Variants in DKK2 observed in about 807,000 individuals in gnomAD.
DKK2 encodes the protein dickkopf Wnt signaling pathway inhibitor 2.
A neutral mutation model predicts 28.1 loss-of-function variants in DKK2; 11 were observed. That is an observed-to-expected ratio of 0.39 (90% confidence interval 0.25 to 0.65). The LOEUF is 0.65. Ranked by LOEUF, DKK2 falls within the 30% of genes least tolerant of loss-of-function variation. DKK2 has a pLI of 0.47. For synonymous variants in DKK2, 135 were observed against 126.5 expected, an observed-to-expected ratio of 1.07 and a Z score of -0.45; for missense variants, 326 against 335.5, an observed-to-expected ratio of 0.97 and a Z score of 0.22.
Position 106,924,712 on chromosome 4 carries a change from CATATA to C in DKK2, c.374-17_374-13del, listed in dbSNP as rs760332429. ...TGGGATACAGATGCCTGGAGATGAT[CATATA>C]ATCAGTTAGACTAATTCAATTCTAT... On this transcript the variant is annotated splice_polypyrimidine_tract_variant and intron_variant, in intron 2 of 3. Transcript: ENST00000285311. 2 of 1,610,790 alleles carry C rather than the reference CATATA, an allele frequency of 1.2e-6. No homozygotes were observed. The highest frequency in any genetic ancestry group is 2.7e-5 in the African/African-American group (2 of 74,822).
At chr4:107,011,042 AT>A (rs1433541392) in intron 1 of DKK2, among the ~76,000 whole-genome samples, 1 of 151,348 alleles carries the variant, frequency 6.6e-6, no homozygotes, top group Admixed American at 6.6e-5. Context: ...TGCAATCTGA[AT>A]TTTTTTGGTG....
rs1386960734 is a variant in DKK2 at position 106,952,474 on chromosome 4, G to A, written c.223-26525C>T. Reference sequence around the variant, plus strand: ...GCATCTTGAATTTTCCAACTTAAACGAGATGAAGGTTAAGAATCTTCACTG... The same window carrying A: ...GCATCTTGAATTTTCCAACTTAAACAAGATGAAGGTTAAGAATCTTCACTG... On this transcript the variant is annotated intron_variant, in intron 1 of 3. Transcript: ENST00000285311. Among the ~76,000 whole-genome samples the A allele has an allele frequency of 4.6e-5, 7 of 152,034 alleles. No homozygotes were observed. The East Asian group carries it at 1.2e-3, about 25-fold the overall frequency.
intron 1 of DKK2, among the ~76,000 whole-genome samples, chr4:106,926,497 A>G (rs1267676828): frequency 6.6e-6 from 1 of 152,224 alleles, no homozygotes; most frequent in Admixed American, 6.5e-5. Context: ...CCAGAACAGT[A>G]TGAGGCAGTG....
At chr4:107,004,104 G>A (rs1480383517) in intron 1 of DKK2, among the ~76,000 whole-genome samples, 1 of 152,152 alleles carries the variant, frequency 6.6e-6, no homozygotes, top group Non-Finnish European at 1.5e-5. Flanking sequence ...ATGCAATAAA[G>A]GGAACAATTT....
At chr4:106,935,515 G>A (rs1461292916) in intron 1 of DKK2, among the ~76,000 whole-genome samples, 3 of 152,234 alleles carry the variant, frequency 2.0e-5, no homozygotes, top group African/African-American at 7.2e-5. Context: ...AGATCAAACT[G>A]CAAGGCGGCA....
At chr4:106,985,802 C>T (rs1366061027) in intron 1 of DKK2, among the ~76,000 whole-genome samples, 3 of 132,804 alleles carry the variant, frequency 2.3e-5, no homozygotes, top group Non-Finnish European at 3.1e-5. Context: ...GATGACAGAG[C>T]GAGACTCCGT....
At chr4:106,984,014 A>G (rs966784087) in intron 1 of DKK2, among the ~76,000 whole-genome samples, 3 of 152,182 alleles carry the variant, frequency 2.0e-5, no homozygotes, top group African/African-American at 7.2e-5. Context: ...GCTGAGGGGA[A>G]TGGAAAATGG....
At position 106,979,516 on chromosome 4, in the gene DKK2, C is replaced by A. The variant is rs897651767; in HGVS notation, c.223-53567G>T. 2.7e-5 allele frequency among the ~76,000 whole-genome samples: 4 copies of A among 147,170 alleles called. No individual in the cohort carries two copies. The East Asian group carries it at 6.0e-4, about 22-fold the overall frequency. On this transcript the variant is annotated intron_variant, in intron 1 of 3. Coordinates refer to ENST00000285311, the MANE Select transcript of DKK2 (RefSeq NM_014421.3). ...CATCTTGTGCAAAATCATACTATAT[C>A]TTGGATTTTAACTGCCGCTAAGATT...
chr4:106,924,422 A>T, intron 3 of DKK2, 123 bp downstream of exon 3: 1 of 1,333,222 alleles, frequency 7.5e-7, no homozygotes, highest in Non-Finnish European at 1.0e-6. Flanking sequence ...TAACAAGTTT[A>T]ATGACTAGCT....
rs1027388078 is a variant in DKK2, at chr4:107,035,311, C to A, written c.222+59G>T. 9 of 1,585,936 alleles carry A rather than the reference C, an allele frequency of 5.7e-6. No individual in the cohort carries two copies. The African/African-American group carries it at 1.2e-4, about 21-fold the overall frequency. The stretch of plus-strand genomic sequence containing the variant: ...GCAAGATGCAATGGCAAACCGCTAG[C>A]CCAAGAGAGCTGGCCCCTGCCTCTT... On this transcript the variant is annotated intron_variant, in intron 1 of 3. Transcript: ENST00000285311.
chr4:107,025,114 G>T (rs921356069), intron 1 of DKK2, among the ~76,000 whole-genome samples: 5 of 152,166 alleles, frequency 3.3e-5, no homozygotes, highest in Non-Finnish European at 7.3e-5. Flanking sequence ...TGAGGTTGAA[G>T]AAGGGAAACT....
In DKK2 at chr4:106,988,986, T is replaced by C. The variant is rs958689766; in HGVS notation, c.222+46384A>G. 6.6e-5 allele frequency among the ~76,000 whole-genome samples: 10 copies of C among 152,350 alleles called. No individual in the cohort carries two copies. In the East Asian group the frequency reaches 1.5e-3, roughly 24 times the overall value. On this transcript the variant is annotated intron_variant, in intron 1 of 3. Coordinates refer to ENST00000285311, the MANE Select transcript of DKK2 (RefSeq NM_014421.3). ...GGTTGGGGTTGAAGCTAGGCTCACC[T>C]GAATGCAGAATGCTCAAACTGGCCT...
At chr4:106,966,306 T>A (rs453840) in intron 1 of DKK2, among the ~76,000 whole-genome samples, 69,191 of 151,886 alleles carry the variant, frequency 0.46, 16,884 homozygotes, top group African/African-American at 0.63. Context: ...CCACTCTTTC[T>A]CTGAAGAATA....
chr4:106,983,858 T>C (rs1211067210), intron 1 of DKK2, among the ~76,000 whole-genome samples: 2 of 152,238 alleles, frequency 1.3e-5, no homozygotes, highest in Admixed American at 1.3e-4. Flanking sequence ...CCTGAAAAGA[T>C]GATCGACCTT....
chr4:107,022,346 T>C (rs934781258), intron 1 of DKK2, among the ~76,000 whole-genome samples: 2 of 152,156 alleles, frequency 1.3e-5, no homozygotes, highest in Non-Finnish European at 2.9e-5. Context: ...TTGACTGACT[T>C]ATCTGAAGAA....
chr4:106,949,841 C>T (rs901261214), intron 1 of DKK2, among the ~76,000 whole-genome samples: 4 of 151,980 alleles, frequency 2.6e-5, no homozygotes, highest in Non-Finnish European at 4.4e-5. Context: ...TTGTGTCTAT[C>T]TATTAGGACC....
chr4:106,947,886 A>G (rs979659223), intron 1 of DKK2, among the ~76,000 whole-genome samples: 1 of 151,946 alleles, frequency 6.6e-6, no homozygotes, highest in African/African-American at 2.4e-5. Context: ...CCTGGCTTCA[A>G]GCTCTCCTTC....
intron 1 of DKK2, among the ~76,000 whole-genome samples, chr4:107,012,589 A>G (rs1019250134): frequency 3.3e-5 from 5 of 151,334 alleles, no homozygotes; most frequent in African/African-American, 1.2e-4. Context: ...ATACTAGTTC[A>G]TATATCAAGT....
chr4:106,976,035 T>C (rs1029818060), intron 1 of DKK2, among the ~76,000 whole-genome samples: 7 of 152,294 alleles, frequency 4.6e-5, no homozygotes, highest in African/African-American at 1.7e-4. Flanking sequence ...TCAGTTTCCA[T>C]GTAGTTGTGC....
Sources: gnomAD v4.1 joint callset for allele counts (sites outside exome capture counted in the v4.1 genomes callset) on GRCh38, gnomAD v4.1.1 for gene constraint, MANE v1.5 for transcripts, NCBI Gene and HGNC (gene_info 2026-07-23, HGNC 2026-07-21) for gene names.